Variants in ACTR3 observed in about 807,000 individuals in gnomAD.
The protein encoded by ACTR3 is actin-related protein 3.
ACTR3 carries 12 observed loss-of-function variants against 56.8 expected under a neutral mutation model. The observed-to-expected ratio is 0.21, with a 90% CI of 0.14 to 0.34. The LOEUF is 0.34. Among genes scored for constraint, ACTR3 ranks in the 10% least tolerant of loss-of-function variants. The probability of loss-of-function intolerance (pLI) is 1.00; values close to 1 mark genes in which losing one functional copy is unlikely to be tolerated. For synonymous variants in ACTR3, 162 were observed against 167.4 expected, an observed-to-expected ratio of 0.97 and a Z score of 0.25; for missense variants, 282 against 512.5, an observed-to-expected ratio of 0.55 and a Z score of 4.34.
intron 10 of ACTR3, 114 bp downstream of exon 10, chr2:113,951,959 T>G: frequency 7.5e-7 from 1 of 1,339,070 alleles, no homozygotes; most frequent in South Asian, 1.4e-5. Context: ...CTGTCAGGTA[T>G]TCTAATGGAA....
chr2:113,904,584 GTT>G (rs1159907184), intron 1 of ACTR3: 1 of 152,192 alleles, frequency 6.6e-6, no homozygotes, highest in Non-Finnish European at 1.5e-5. Context: ...GTGGACAACT[GTT>G]TTTATTTTTC....
chr2:113,928,044 C>T (rs7602093), intron 4 of ACTR3, among the ~76,000 whole-genome samples: 1 of 151,972 alleles, frequency 6.6e-6, no homozygotes, highest in Admixed American at 6.6e-5. Flanking sequence ...TTTATTTCTT[C>T]TGTCTTTAAG....
chr2:113,940,246 TTTTC>T (rs1679900044), intron 7 of ACTR3, 144 bp downstream of exon 7: 1 of 628,400 alleles, frequency 1.6e-6, no homozygotes, highest in African/African-American at 1.9e-5. Context: ...TATATTTACA[TTTTC>T]TTTGTGTTTC....
intron 1 of ACTR3, chr2:113,904,261 G>C (rs1419763280): frequency 6.6e-6 from 1 of 151,962 alleles, no homozygotes; most frequent in Non-Finnish European, 1.5e-5. Context: ...AATTTCTACT[G>C]CTTGGCCTTT....
chr2:113,952,607 C>G (rs1174002846), intron 10 of ACTR3: 1 of 152,060 alleles, frequency 6.6e-6, no homozygotes, highest in Non-Finnish European at 1.5e-5. Flanking sequence ...GCACAGCACT[C>G]TAGGGTTTGC....
intron 2 of ACTR3, among the ~76,000 whole-genome samples, chr2:113,915,384 C>T (rs1004409816): frequency 3.9e-5 from 6 of 152,146 alleles, no homozygotes; most frequent in Non-Finnish European, 7.3e-5. Context: ...TTCAAATTTT[C>T]CCTTTCTATG....
intron 5 of ACTR3, chr2:113,934,075 C>G: frequency 1.9e-6 from 1 of 515,420 alleles, no homozygotes; most frequent in Non-Finnish European, 3.4e-6. Context: ...ATGTAAACCT[C>G]TAAGTTTGTC....
chr2:113,946,404 CTGACTGG>C (rs1310264669), intron 8 of ACTR3, among the ~76,000 whole-genome samples: 1 of 151,746 alleles, frequency 6.6e-6, no homozygotes, highest in African/African-American at 2.4e-5. Context: ...AATAGCCATT[CTGACTGG>C]TATGAGATGG....
At chr2:113,901,092 G>A (rs1679090825) in intron 1 of ACTR3, among the ~76,000 whole-genome samples, 1 of 152,234 alleles carries the variant, frequency 6.6e-6, no homozygotes, top group South Asian at 2.1e-4. Context: ...GGCCGAGGCC[G>A]CAGATCACCT....
intron 1 of ACTR3, among the ~76,000 whole-genome samples, chr2:113,891,036 A>C (rs552537742): frequency 6.6e-6 from 1 of 152,270 alleles, no homozygotes; most frequent in Admixed American, 6.5e-5. Context: ...GCGCGCTGCA[A>C]CTTCCTTAGT....
chr2:113,931,509 A>G (rs1679723748), intron 5 of ACTR3, 113 bp downstream of exon 5: 15 of 544,360 alleles, frequency 2.8e-5, no homozygotes, highest in Non-Finnish European at 3.1e-6. Flanking sequence ...CATAATGTCA[A>G]AGCATGTTAT....
At chr2:113,934,557 C>T in intron 6 of ACTR3, 171 bp downstream of exon 6, 1 of 421,958 alleles carries the variant, frequency 2.4e-6, no homozygotes, top group Non-Finnish European at 4.1e-6. Flanking sequence ...ATAAACAATT[C>T]AAAATGTTTC....
intron 1 of ACTR3, 157 bp downstream of exon 1, chr2:113,890,480 G>C: frequency 7.8e-7 from 1 of 1,289,380 alleles, no homozygotes; most frequent in South Asian, 1.6e-5. Context: ...CCGCAGCCAG[G>C]GCCTCGCGGG....
intron 1 of ACTR3, among the ~76,000 whole-genome samples, chr2:113,910,493 A>G (rs185473618): frequency 1.3e-5 from 2 of 152,308 alleles, no homozygotes; most frequent in African/African-American, 4.8e-5. Context: ...ATCTTCAAGC[A>G]GGTGAGTCAG....
rs528273687 is a variant in ACTR3, at chr2:113,931,654, G to A, written c.432+258G>A. Among the ~76,000 whole-genome samples, 4 of 152,100 alleles carry A rather than the reference G, an allele frequency of 2.6e-5. 1 individual carries two copies. The South Asian group carries it at 8.3e-4, about 32-fold the overall frequency. On this transcript the variant is annotated intron_variant, in intron 5 of 11. Transcript: ENST00000263238. ...AGGGCTTTCATAGGACAGAAATGAA[G>A]GAACTAATATTTATGGAATGCTTTC...
intron 8 of ACTR3, among the ~76,000 whole-genome samples, chr2:113,949,802 A>G (rs1035659915): frequency 2.0e-5 from 3 of 152,170 alleles, no homozygotes; most frequent in East Asian, 3.8e-4. Context: ...GTCTCAAGCA[A>G]TGGTCCTGCC....
chr2:113,952,055 CT>C, intron 10 of ACTR3: 2 of 622,886 alleles, frequency 3.2e-6, no homozygotes, highest in Non-Finnish European at 5.0e-6. Flanking sequence ...GAAAATAATT[CT>C]TAGTAATACC....
intron 1 of ACTR3, among the ~76,000 whole-genome samples, chr2:113,911,490 C>T (rs184725236): frequency 2.3e-4 from 32 of 142,112 alleles, no homozygotes; most frequent in African/African-American, 8.5e-4. Flanking sequence ...CATGATATTG[C>T]CTCACTGCAA....
intron 4 of ACTR3, among the ~76,000 whole-genome samples, chr2:113,931,011 C>G (rs1034647033): frequency 5.9e-5 from 9 of 151,996 alleles, no homozygotes; most frequent in Non-Finnish European, 1.2e-4. Context: ...CTCCAACCCT[C>G]TCTCTCCCTG....
Sources: allele counts gnomAD v4.1 joint callset (sites outside exome capture counted in the v4.1 genomes callset), GRCh38; gene constraint gnomAD v4.1.1; transcripts MANE v1.5; gene names NCBI Gene and HGNC (gene_info 2026-07-23, HGNC 2026-07-21).